Variants in EPHA7 observed in about 807,000 individuals in gnomAD.
EPHA7 encodes EPH receptor A7.
Under a neutral mutation model 112.6 loss-of-function variants are expected in EPHA7, and 25 were observed. The observed-to-expected ratio is 0.22, with a 90% CI of 0.16 to 0.31. EPHA7 has a LOEUF of 0.31. EPHA7 is among the 10% of genes least tolerant of loss of function. EPHA7 has a pLI of 1.00. For synonymous variants in EPHA7, 437 were observed against 406.5 expected, an observed-to-expected ratio of 1.07 and a Z score of -0.90; for missense variants, 962 against 1,212.6, an observed-to-expected ratio of 0.79 and a Z score of 3.07.
chr6:93,245,875 T>C (rs1769922701), intron 15 of EPHA7, among the ~76,000 whole-genome samples: 1 of 152,150 alleles, frequency 6.6e-6, no homozygotes, highest in African/African-American at 2.4e-5. Context: ...CCTGGGGAGT[T>C]AGAACACCTC....
chr6:93,316,026 T>G (rs1167057942), intron 5 of EPHA7, among the ~76,000 whole-genome samples: 1 of 152,306 alleles, frequency 6.6e-6, no homozygotes, highest in East Asian at 1.9e-4. Flanking sequence ...TAAGCTCCTA[T>G]GTTTTTGAAA....
chr6:93,288,833 G>A (rs1055812640), intron 5 of EPHA7, among the ~76,000 whole-genome samples: 2 of 152,084 alleles, frequency 1.3e-5, no homozygotes, highest in Non-Finnish European at 2.9e-5. Context: ...GTGTTCTAGT[G>A]GAATTAGCAA....
intron 5 of EPHA7, among the ~76,000 whole-genome samples, chr6:93,335,568 T>C (rs1774824784): frequency 1.3e-5 from 2 of 152,228 alleles, no homozygotes; most frequent in South Asian, 2.1e-4. Flanking sequence ...CCAGCAAAGA[T>C]GTAGAATAGT....
At chr6:93,295,782 A>G (rs956028630) in intron 5 of EPHA7, among the ~76,000 whole-genome samples, 2 of 151,606 alleles carry the variant, frequency 1.3e-5, no homozygotes, top group Non-Finnish European at 3.0e-5. Context: ...ATATATTTCC[A>G]TTGTTTGATA....
At chr6:93,385,892 G>A (rs542542402) in intron 3 of EPHA7, among the ~76,000 whole-genome samples, 6 of 152,274 alleles carry the variant, frequency 3.9e-5, no homozygotes, top group South Asian at 4.1e-4. Flanking sequence ...ACGCAAACAC[G>A]TCCTTCTTCA....
rs901008001 is a variant in EPHA7 at position 93,267,955 on chromosome 6, CTTA to C, written c.1633+1519_1633+1521del. Among the ~76,000 whole-genome samples, 89 of 151,662 alleles carry C rather than the reference CTTA, an allele frequency of 5.9e-4. 1 individual carries two copies. The highest frequency in any genetic ancestry group is 1.5e-3 in the African/African-American group (64 of 41,464). Reference sequence around the variant, plus strand: ...AGATGAAAAACATAATTTGAAGTATCTTATTATATCTGAATTTACAGGGTGATA... The same window carrying C: ...AGATGAAAAACATAATTTGAAGTATCTTATATCTGAATTTACAGGGTGATA... On this transcript the variant is annotated intron_variant, in intron 7 of 16. Coordinates refer to ENST00000369303, the MANE Select transcript of EPHA7 (RefSeq NM_004440.4).
intron 13 of EPHA7, among the ~76,000 whole-genome samples, chr6:93,255,353 A>ACAG (rs1249152401): frequency 6.6e-6 from 1 of 151,904 alleles, no homozygotes; most frequent in East Asian, 1.9e-4. Flanking sequence ...CATCTCAACA[A>ACAG]CAACAACAAC....
intron 5 of EPHA7, among the ~76,000 whole-genome samples, chr6:93,348,347 A>G (rs1253784025): frequency 6.6e-6 from 1 of 151,906 alleles, no homozygotes; most frequent in African/African-American, 2.4e-5. Context: ...CAAACTATAA[A>G]AAATATTAAA....
At chr6:93,367,289 TA>T (rs1231684517) in intron 3 of EPHA7, among the ~76,000 whole-genome samples, 2 of 152,158 alleles carry the variant, frequency 1.3e-5, no homozygotes, top group Non-Finnish European at 2.9e-5. Flanking sequence ...CAATAGCATT[TA>T]TGCCACTGCC....
In EPHA7 at chr6:93,419,383, G is replaced by T; in HGVS notation, c.-42C>A. 1 of 1,524,464 alleles carries T rather than the reference G, an allele frequency of 6.6e-7. No homozygotes were observed. The highest frequency in any genetic ancestry group is 1.1e-5 in the South Asian group (1 of 88,350). The allele number at this position is 1,524,464 out of a possible 1,614,324, so 94.4% of individuals were successfully genotyped here. A position where few individuals can be genotyped will look rare whatever the true frequency, so the allele number is the denominator to read the frequency against. On this transcript the variant is annotated 5_prime_UTR_variant, in exon 1 of 17. Transcript: ENST00000369303. ...TTATTTTAGGTTTCAGTTATCTTGA[G>T]TCGTGGATTTTTAAATGCTGTTTGT...
intron 3 of EPHA7, among the ~76,000 whole-genome samples, chr6:93,403,428 A>G (rs1174850471): frequency 1.3e-5 from 2 of 152,018 alleles, no homozygotes; most frequent in Admixed American, 1.3e-4. Flanking sequence ...GACAAGGAAT[A>G]AAATAAGATA....
chr6:93,251,613 C>T (rs1770215959), intron 14 of EPHA7, among the ~76,000 whole-genome samples: 1 of 87,796 alleles, frequency 1.1e-5, no homozygotes, highest in African/African-American at 3.1e-5. Context: ...AAAAATACTG[C>T]TAGAAGAAAA....
intron 5 of EPHA7, among the ~76,000 whole-genome samples, chr6:93,283,056 G>A (rs1325296166): frequency 6.6e-6 from 1 of 152,238 alleles, no homozygotes; most frequent in Non-Finnish European, 1.5e-5. Flanking sequence ...ATTGGGTGAA[G>A]CCAGCTGGGC....
At chr6:93,290,795 A>C (rs967520) in intron 5 of EPHA7, among the ~76,000 whole-genome samples, 73,738 of 151,950 alleles carry the variant, frequency 0.49, 18,299 homozygotes, top group South Asian at 0.7. Flanking sequence ...CGAGGCTCTT[A>C]CGAATGCCCA....
At chr6:93,332,453 C>T (rs908757459) in intron 5 of EPHA7, among the ~76,000 whole-genome samples, 1 of 151,526 alleles carries the variant, frequency 6.6e-6, no homozygotes, top group Non-Finnish European at 1.5e-5. Flanking sequence ...CTGATACATA[C>T]TTATATTACA....
At chr6:93,244,702 T>C (rs936102584) in intron 16 of EPHA7, among the ~76,000 whole-genome samples, 3 of 152,166 alleles carry the variant, frequency 2.0e-5, no homozygotes, top group East Asian at 1.9e-4. Flanking sequence ...GAATTGATCA[T>C]ACATCTTCCA....
chr6:93,357,071 A>G lies in EPHA7; in HGVS notation c.989-19T>C. 2 of 1,541,712 alleles carry G rather than the reference A, an allele frequency of 1.3e-6. No individual in the cohort carries two copies. The highest frequency in any genetic ancestry group is 1.8e-6 in the Non-Finnish European group (2 of 1,141,084). On this transcript the variant is annotated intron_variant, in intron 4 of 16. Transcript: ENST00000369303. The stretch of plus-strand genomic sequence containing the variant: ...GGAGGCCCTTGGGAAACCAAGAATA[A>G]ATAAGTAAATAAGCAAAAATAGAAA...
intron 5 of EPHA7, among the ~76,000 whole-genome samples, chr6:93,329,221 A>G (rs1441213739): frequency 6.6e-6 from 1 of 151,392 alleles, no homozygotes; most frequent in Non-Finnish European, 1.5e-5. Flanking sequence ...ATACACACCA[A>G]AGATAAATAA....
Position 93,245,470 on chromosome 6 carries a change from C to A in EPHA7, c.2727-17G>T, listed in dbSNP as rs746817774. 6.2e-7 allele frequency: 1 copy of A among 1,600,648 alleles called. No individual in the cohort carries two copies. Among genetic ancestry groups the A allele is most frequent in the East Asian group, 2.2e-5 (1 of 44,596 alleles). ...CTTATTGGCCTAGATAAAAATGAAA[C>A]AGAAAAGCGAACATTATCCTGAAAT... On this transcript the variant is annotated splice_polypyrimidine_tract_variant and intron_variant, in intron 15 of 16. Coordinates refer to ENST00000369303, the MANE Select transcript of EPHA7 (RefSeq NM_004440.4).
Sources: allele counts gnomAD v4.1 joint callset (sites outside exome capture counted in the v4.1 genomes callset), GRCh38; gene constraint gnomAD v4.1.1; transcripts MANE v1.5; gene names NCBI Gene and HGNC (gene_info 2026-07-23, HGNC 2026-07-21).